CYRIB: variants seen among roughly 807,000 people sequenced by gnomAD.
The protein encoded by CYRIB is CYFIP-related Rac1 interactor B.
CYRIB carries 8 observed loss-of-function variants against 44.2 expected under a neutral mutation model. That is an observed-to-expected ratio of 0.18 (90% CI 0.11 to 0.33). The LOEUF is 0.33. Among genes scored for constraint, CYRIB ranks in the 10% least tolerant of loss-of-function variants. The pLI is 1.00. For missense variants in CYRIB, 185 were observed against 382.8 expected (o/e 0.48, Z 4.31); for synonymous variants, 131 against 127.2 (o/e 1.03, Z -0.20).
At chr8:129,858,665 T>C (rs1014015880) in intron 5 of CYRIB, among the ~76,000 whole-genome samples, 1 of 152,148 alleles carries the variant, frequency 6.6e-6, no homozygotes. Context: ...TTGGGGCCTT[T>C]AAAATACATT....
intron 3 of CYRIB, among the ~76,000 whole-genome samples, chr8:129,876,009 G>A (rs2058984669): frequency 6.6e-6 from 1 of 152,030 alleles, no homozygotes; most frequent in South Asian, 2.1e-4. Context: ...AGCTACTCGG[G>A]AGGCTGAGGT....
Position 129,879,487 on chromosome 8 carries a change from T to C in CYRIB, c.-10-16A>G, listed in dbSNP as rs1423559966. The stretch of plus-strand genomic sequence containing the variant: ...GTTAAGGTACCTGTCAAGACAAGAA[T>C]GAGAAAAGAGAAAATATCCCTTTAT... On this transcript the variant is annotated splice_polypyrimidine_tract_variant and intron_variant, in intron 2 of 11. Transcript: ENST00000519824. The C allele has an allele frequency of 5.0e-5, 78 of 1,547,346 alleles. No homozygotes were observed. The highest frequency in any genetic ancestry group is 6.6e-5 in the Non-Finnish European group (75 of 1,138,116).
At chr8:129,917,456 A>C (rs150238244) in intron 1 of CYRIB, among the ~76,000 whole-genome samples, 4 of 152,032 alleles carry the variant, frequency 2.6e-5, no homozygotes, top group Non-Finnish European at 4.4e-5. Flanking sequence ...ACCTGATCAC[A>C]TATCTACACA....
At chr8:129,912,056 T>C (rs2078319615) in intron 1 of CYRIB, among the ~76,000 whole-genome samples, 2 of 152,212 alleles carry the variant, frequency 1.3e-5, no homozygotes, top group East Asian at 3.8e-4. Flanking sequence ...TAAAATTAAA[T>C]GCTAGTTAAA....
chr8:129,879,668 T>TAGGACCTAGA, intron 2 of CYRIB, 197 bp from the exon 5 acceptor site: 1 of 518,832 alleles, frequency 1.9e-6, no homozygotes, highest in Non-Finnish European at 3.4e-6. Flanking sequence ...AGGTGAAATG[T>TAGGACCTAGA]GGTTTTCCTG....
chr8:129,846,735 C>T lies in CYRIB; in HGVS notation c.911+69G>A, dbSNP rs139526305. The T allele has an allele frequency of 2.1e-5, 22 of 1,030,566 alleles. No homozygotes were observed. The Middle Eastern group carries it at 6.2e-4, about 29-fold the overall frequency. The allele number at this position is 1,030,566 out of a possible 1,614,324, so 63.8% of individuals were successfully genotyped here. ...ATCCTATTCACACTTAATGCATTTT[C>T]TTTACATAAACATCGACCATTTTCC... On this transcript the variant is annotated intron_variant, in intron 11 of 11. Coordinates refer to ENST00000519824, the Ensembl canonical transcript of CYRIB.
At chr8:129,864,369 A>G (rs1257300897) in intron 4 of CYRIB, 1 of 152,286 alleles carries the variant, frequency 6.6e-6, no homozygotes, top group African/African-American at 2.4e-5. Flanking sequence ...GCAGGCCCAG[A>G]CTTGGTAATG....
At chr8:129,994,448 C>T in intron 1 of CYRIB, among the ~76,000 whole-genome samples, 1 of 152,232 alleles carries the variant, frequency 6.6e-6, no homozygotes, top group Non-Finnish European at 1.5e-5. Context: ...GTTTCTTTAT[C>T]TTTGTATGCC....
chr8:129,853,334 C>T (rs1248673974), intron 7 of CYRIB, among the ~76,000 whole-genome samples: 2 of 152,018 alleles, frequency 1.3e-5, no homozygotes, highest in Non-Finnish European at 2.9e-5. Flanking sequence ...CTGGTCTATG[C>T]AAAAATCAAA....
chr8:129,854,060 G>A (rs1328067951), intron 7 of CYRIB, among the ~76,000 whole-genome samples: 1 of 152,134 alleles, frequency 6.6e-6, no homozygotes, highest in African/African-American at 2.4e-5. Context: ...AAGTAGTTGT[G>A]GGAATTTAAG....
intron 1 of CYRIB, among the ~76,000 whole-genome samples, chr8:129,983,738 G>A (rs908841365): frequency 3.3e-5 from 5 of 152,210 alleles, no homozygotes; most frequent in African/African-American, 9.6e-5. Context: ...GGGGATGCGG[G>A]GACACCGGGG....
chr8:129,917,713 C>T (rs2081445052), intron 1 of CYRIB, among the ~76,000 whole-genome samples: 1 of 151,940 alleles, frequency 6.6e-6, no homozygotes, highest in Non-Finnish European at 1.5e-5. Flanking sequence ...AAAAATTCGC[C>T]GGGCATGGTG....
chr8:129,991,783 C>G (rs1564676029), intron 1 of CYRIB, among the ~76,000 whole-genome samples: 1 of 151,022 alleles, frequency 6.6e-6, no homozygotes, highest in Non-Finnish European at 1.5e-5. Context: ...AACCTTGTCT[C>G]TACCAAAAAA....
At chr8:129,983,252 T>A (rs768079149) in intron 1 of CYRIB, among the ~76,000 whole-genome samples, 41 of 152,240 alleles carry the variant, frequency 2.7e-4, no homozygotes, top group Non-Finnish European at 3.5e-4. Context: ...GAGACCATCC[T>A]GGCTAACACG....
intron 1 of CYRIB, among the ~76,000 whole-genome samples, chr8:129,973,193 T>C (rs942081491): frequency 6.6e-6 from 1 of 152,128 alleles, no homozygotes; most frequent in Non-Finnish European, 1.5e-5. Context: ...CTGAAAAGGG[T>C]ATTTAATTAA....
chr8:129,985,074 T>C (rs1299426805), intron 1 of CYRIB, among the ~76,000 whole-genome samples: 2 of 152,106 alleles, frequency 1.3e-5, no homozygotes, highest in African/African-American at 4.8e-5. Context: ...CCCACCCAAG[T>C]AGTGGTTTTT....
chr8:129,871,783 A>T (rs2057323039), intron 3 of CYRIB, among the ~76,000 whole-genome samples: 1 of 152,188 alleles, frequency 6.6e-6, no homozygotes, highest in Admixed American at 6.5e-5. Flanking sequence ...GAGAATTATA[A>T]TTAAAATTTT....
chr8:129,890,396 G>C (rs935236060), intron 2 of CYRIB: 11 of 152,322 alleles, frequency 7.2e-5, no homozygotes, highest in African/African-American at 2.6e-4. Context: ...TAGCAAAAAG[G>C]TTAAGACCTG....
intron 1 of CYRIB, among the ~76,000 whole-genome samples, chr8:129,977,774 T>C (rs577296201): frequency 7.1e-4 from 108 of 152,188 alleles, no homozygotes; most frequent in African/African-American, 9.6e-4. Context: ...CCTCGTGATC[T>C]GCCCGCCTTG....
Sources: gnomAD v4.1 joint callset for allele counts (sites outside exome capture counted in the v4.1 genomes callset) on GRCh38, gnomAD v4.1.1 for gene constraint, MANE v1.5 for transcripts, NCBI Gene and HGNC (gene_info 2026-07-23, HGNC 2026-07-21) for gene names.